The following GRM7 variants were observed in gnomAD, a reference collection of about 807,000 sequenced individuals.
GRM7 encodes metabotropic glutamate receptor 7.
Under a neutral mutation model 84.5 loss-of-function variants are expected in GRM7, and 35 were observed. The ratio of observed to expected loss-of-function variants is 0.41; its 90% confidence interval spans 0.32 to 0.55. The LOEUF (loss-of-function observed/expected upper bound fraction) is 0.55. Among genes scored for constraint, GRM7 ranks in the 20% least tolerant of loss-of-function variants. The pLI is 0.19. For synonymous variants in GRM7, 487 were observed against 455.1 expected (o/e 1.07, Z -0.89); for missense variants, 1,003 against 1,194.6 (o/e 0.84, Z 2.36).
intron 1 of GRM7, among the ~76,000 whole-genome samples, chr3:6,927,519 AG>A (rs1277416036): frequency 2.1e-5 from 3 of 141,342 alleles, no homozygotes; most frequent in Non-Finnish European, 3.3e-5. Flanking sequence ...GAAAGAAAGA[AG>A]AGAAAAGAAA....
At chr3:6,911,174 G>A (rs1039110712) in intron 1 of GRM7, among the ~76,000 whole-genome samples, 17 of 152,112 alleles carry the variant, frequency 1.1e-4, no homozygotes, top group African/African-American at 4.1e-4. Context: ...CTATAATCTG[G>A]CACTTTTTTT....
intron 2 of GRM7, among the ~76,000 whole-genome samples, chr3:7,271,114 G>A (rs991586251): frequency 1.3e-5 from 2 of 152,194 alleles, no homozygotes; most frequent in Non-Finnish European, 2.9e-5. Flanking sequence ...GAGAAAAGGA[G>A]GGACATGAAG....
At chr3:7,679,108 T>C (rs1205436271) in intron 8 of GRM7, among the ~76,000 whole-genome samples, 1 of 152,164 alleles carries the variant, frequency 6.6e-6, no homozygotes, top group African/African-American at 2.4e-5. Flanking sequence ...GTAAAGAAGC[T>C]GGCCTAGACT....
At chr3:7,316,724 A>G (rs376942257) in intron 4 of GRM7, among the ~76,000 whole-genome samples, 98 of 152,168 alleles carry the variant, frequency 6.4e-4, no homozygotes, top group African/African-American at 2.2e-3. Flanking sequence ...CTTATTAGAC[A>G]TCCAAGTATC....
chr3:7,310,993 G>T (rs979386670), intron 4 of GRM7, among the ~76,000 whole-genome samples: 2 of 151,890 alleles, frequency 1.3e-5, no homozygotes, highest in Non-Finnish European at 2.9e-5. Context: ...CATCCCCTCA[G>T]GTGTGCTGTG....
At chr3:7,456,958 T>A (rs150196419) in intron 6 of GRM7, among the ~76,000 whole-genome samples, 1,604 of 152,234 alleles carry the variant, frequency 0.011, 31 homozygotes, top group African/African-American at 0.036. Flanking sequence ...TTTCTGACTT[T>A]CGGTTAAAAA....
At chr3:7,352,210 T>A (rs150559607) in intron 4 of GRM7, among the ~76,000 whole-genome samples, 1 of 152,182 alleles carries the variant, frequency 6.6e-6, no homozygotes, top group East Asian at 1.9e-4. Flanking sequence ...CTTTTTATAG[T>A]ACTGAGAGCA....
At chr3:7,506,373 C>G (rs1195825878) in intron 7 of GRM7, among the ~76,000 whole-genome samples, 1 of 152,138 alleles carries the variant, frequency 6.6e-6, no homozygotes, top group South Asian at 2.1e-4. Flanking sequence ...AGCTTTCACT[C>G]GAATCACTCT....
chr3:7,304,050 T>C (rs954984023), intron 3 of GRM7, among the ~76,000 whole-genome samples: 6 of 152,054 alleles, frequency 3.9e-5, no homozygotes, highest in Non-Finnish European at 7.4e-5. Flanking sequence ...TGCGGCCTCA[T>C]ATTTATTTTT....
intron 8 of GRM7, among the ~76,000 whole-genome samples, chr3:7,663,731 G>T (rs1408782394): frequency 2.0e-5 from 3 of 152,148 alleles, no homozygotes; most frequent in Non-Finnish European, 4.4e-5. Flanking sequence ...TTATCAAAAA[G>T]AAATAAGTTA....
At chr3:7,064,270 G>A (rs1381759587) in intron 1 of GRM7, among the ~76,000 whole-genome samples, 1 of 149,934 alleles carries the variant, frequency 6.7e-6, no homozygotes, top group Non-Finnish European at 1.5e-5. Context: ...AAAGTCCATT[G>A]TATTATTCTT....
At chr3:6,884,753 C>T (rs1339467727) in intron 1 of GRM7, among the ~76,000 whole-genome samples, 1 of 152,076 alleles carries the variant, frequency 6.6e-6, no homozygotes, top group Admixed American at 6.6e-5. Flanking sequence ...ACGCCCACCA[C>T]CACACCTGGC....
chr3:7,680,440 C>G (rs1700320839), intron 9 of GRM7, 145 bp downstream of exon 9: 1 of 748,722 alleles, frequency 1.3e-6, no homozygotes, highest in Non-Finnish European at 2.2e-6. Flanking sequence ...AGCTTCTGCT[C>G]TTTTGAGTTT....
chr3:6,998,652 A>G (rs372464708), intron 1 of GRM7, among the ~76,000 whole-genome samples: 26 of 152,320 alleles, frequency 1.7e-4, no homozygotes, highest in African/African-American at 4.8e-4. Context: ...CATACATCCT[A>G]TGAAATCTAG....
chr3:7,089,526 GCAGAAATGTGGTGGAA>G (rs1325812451), intron 1 of GRM7, among the ~76,000 whole-genome samples: 12 of 152,284 alleles, frequency 7.9e-5, no homozygotes. Flanking sequence ...TGCTCTTCAA[GCAGAAATGTGGTGGAA>G]CATGCATAGG....
rs34067965 is a variant in GRM7, at chr3:7,452,611, G to A, written c.1179G>A (p.Gln393=). ...KEDTDRKCTG[Q]ERIGKDSNYE... The stretch of plus-strand genomic sequence containing the variant: ...GTTTCTTGTTTTAATGTGCAGGACA[G>A]GAGAGAATTGGAAAAGATTCCAACT... The change falls in exon 6 of 10, where the codon CAG becomes CAA. Residue 393 remains glutamine (Q), a synonymous_variant. Transcript: ENST00000357716. The A allele has an allele frequency of 5.6e-3, 9,010 of 1,596,646 alleles. 39 individuals carry two copies. The highest frequency in any genetic ancestry group is 6.7e-3 in the Non-Finnish European group (7,745 of 1,164,336).
chr3:7,676,017 C>T (rs1345926284), intron 8 of GRM7, among the ~76,000 whole-genome samples: 7 of 151,738 alleles, frequency 4.6e-5, no homozygotes, highest in African/African-American at 1.7e-4. Flanking sequence ...TTTTTGTCGC[C>T]CAGGCTGGAG....
chr3:6,997,200 T>C (rs1227316357), intron 1 of GRM7, among the ~76,000 whole-genome samples: 1 of 152,176 alleles, frequency 6.6e-6, no homozygotes, highest in Non-Finnish European at 1.5e-5. Flanking sequence ...ATTCAATAAT[T>C]AATATTTTCT....
At chr3:6,870,831 T>A (rs1318302016) in intron 1 of GRM7, among the ~76,000 whole-genome samples, 1 of 152,104 alleles carries the variant, frequency 6.6e-6, no homozygotes, top group Non-Finnish European at 1.5e-5. Context: ...TTGAGATTAT[T>A]ATCATCTGAA....
Sources: gnomAD v4.1 joint callset for allele counts (sites outside exome capture counted in the v4.1 genomes callset) on GRCh38, gnomAD v4.1.1 for gene constraint, MANE v1.5 for transcripts, NCBI Gene and HGNC (gene_info 2026-07-23, HGNC 2026-07-21) for gene names.